MED13L: variants seen among roughly 807,000 people sequenced by gnomAD.
The protein encoded by MED13L is mediator of RNA polymerase II transcription subunit 13-like.
A neutral mutation model predicts 220.9 loss-of-function variants in MED13L; 7 were observed. The ratio of observed to expected loss-of-function variants is 0.03; its 90% CI spans 0.02 to 0.06. The LOEUF is 0.06. Among genes scored for constraint, MED13L ranks in the 10% least tolerant of loss-of-function variants. MED13L has a pLI of 1.00. For synonymous variants in MED13L, 1,011 were observed against 1,015.2 expected, an observed-to-expected ratio of 1.00 and a Z score of 0.08; for missense variants, 1,965 against 2,760.5, an observed-to-expected ratio of 0.71 and a Z score of 6.46.
intron 2 of MED13L, among the ~76,000 whole-genome samples, chr12:116,179,209 G>A (rs932437938): frequency 1.9e-5 from 2 of 105,594 alleles, no homozygotes; most frequent in Admixed American, 8.4e-5. Context: ...ATTTACGTGT[G>A]TGTGTGTGTG....
At position 116,127,313 on chromosome 12, in the gene MED13L, G is replaced by A. The variant is rs912266855; in HGVS notation, c.311-15801C>T. Among the ~76,000 whole-genome samples the A allele has an allele frequency of 3.3e-5, 5 of 151,764 alleles. No homozygotes were observed. The South Asian group carries it at 6.2e-4, about 19-fold the overall frequency. ...AATTTAAAAACATTTTTTCAATTCC[G>A]ATTCAAAAACGAAAAATACATATGA... is the stretch of plus-strand genomic sequence containing the variant. On this transcript the variant is annotated intron_variant, in intron 2 of 30. Transcript: ENST00000281928.
intron 2 of MED13L, among the ~76,000 whole-genome samples, chr12:116,192,733 T>C (rs770365780): frequency 7.9e-5 from 12 of 152,162 alleles, no homozygotes; most frequent in Non-Finnish European, 1.6e-4. Flanking sequence ...ATTCCAATAA[T>C]CCCAGCACTT....
At chr12:116,212,697 C>G (rs574408139) in intron 2 of MED13L, among the ~76,000 whole-genome samples, 2 of 152,252 alleles carry the variant, frequency 1.3e-5, no homozygotes, top group South Asian at 4.1e-4. Context: ...GAGTAAAACA[C>G]ATGTATAGAA....
At chr12:116,190,921 ATC>A (rs1181779495) in intron 2 of MED13L, among the ~76,000 whole-genome samples, 1 of 151,920 alleles carries the variant, frequency 6.6e-6, no homozygotes, top group African/African-American at 2.4e-5. Context: ...GTGAAACCCC[ATC>A]TCTACTAAAA....
chr12:116,067,847 T>A (rs1379570666), intron 4 of MED13L, among the ~76,000 whole-genome samples: 5 of 152,170 alleles, frequency 3.3e-5, no homozygotes, highest in African/African-American at 4.8e-5. Flanking sequence ...ATACGAAGCT[T>A]GCAGCAAATG....
chr12:116,186,982 C>T (rs1593143842), intron 2 of MED13L, among the ~76,000 whole-genome samples: 1 of 152,190 alleles, frequency 6.6e-6, no homozygotes, highest in South Asian at 2.1e-4. Context: ...CAACTCCAAA[C>T]AGCTGCTTCC....
rs952640043 is a variant in MED13L at position 116,065,415 on chromosome 12, C to G, written c.479+31254G>C. Among the ~76,000 whole-genome samples the G allele has an allele frequency of 8.5e-5, 13 of 152,124 alleles. 1 individual carries two copies. The highest frequency in any genetic ancestry group is 1.9e-4 in the Non-Finnish European group (13 of 68,016). ...AAAAATAAAGAAAAGTATTTTACCA[C>G]TTCACTTTCACCATCATAGTGTCAT... On this transcript the variant is annotated intron_variant, in intron 4 of 30. Coordinates refer to ENST00000281928, the MANE Select transcript of MED13L (RefSeq NM_015335.5).
At chr12:116,131,624 C>T (rs1301473485) in intron 2 of MED13L, among the ~76,000 whole-genome samples, 4 of 152,196 alleles carry the variant, frequency 2.6e-5, no homozygotes, top group Non-Finnish European at 5.9e-5. Context: ...AGAACCTTCA[C>T]ATTTATGTAT....
At chr12:116,262,204 AATT>A (rs897393088) in intron 1 of MED13L, among the ~76,000 whole-genome samples, 4 of 152,212 alleles carry the variant, frequency 2.6e-5, no homozygotes, top group Non-Finnish European at 5.9e-5. Flanking sequence ...TTATTTACAT[AATT>A]ATTTATATAA....
At chr12:116,060,171 G>T (rs1173436483) in intron 4 of MED13L, among the ~76,000 whole-genome samples, 1 of 152,086 alleles carries the variant, frequency 6.6e-6, no homozygotes, top group Admixed American at 6.5e-5. Flanking sequence ...CATTCTGTGG[G>T]CCTGGAGCAT....
chr12:116,120,934 C>G (rs187658054), intron 2 of MED13L, among the ~76,000 whole-genome samples: 1 of 151,980 alleles, frequency 6.6e-6, no homozygotes, highest in African/African-American at 2.4e-5. Flanking sequence ...AAATGAGTGA[C>G]AACAGTCAAT....
intron 4 of MED13L, among the ~76,000 whole-genome samples, chr12:116,039,558 A>T (rs905418878): frequency 1.3e-5 from 2 of 151,982 alleles, no homozygotes; most frequent in African/African-American, 4.8e-5. Context: ...CATAAATCTC[A>T]TAATTCTAAA....
intron 4 of MED13L, among the ~76,000 whole-genome samples, chr12:116,023,574 G>A (rs924905568): frequency 3.9e-5 from 6 of 151,998 alleles, no homozygotes; most frequent in African/African-American, 1.2e-4. Flanking sequence ...TGTTTCAAGT[G>A]CAAAATCATA....
At position 116,008,489 on chromosome 12, in the gene MED13L, C is replaced by G. The variant is rs375037374; in HGVS notation, c.1924G>C (p.Asp642His). The G allele has an allele frequency of 1.7e-5, 27 of 1,613,612 alleles. No individual in the cohort carries two copies. Among genetic ancestry groups the G allele is most frequent in the Admixed American group, 3.3e-5 (2 of 60,000 alleles). The change falls in exon 10 of 31, where the codon GAT (aspartate) becomes CAT (histidine). Residue 642 changes from aspartate (D) to histidine (H), a missense_variant. Coordinates refer to ENST00000281928, the MANE Select transcript of MED13L (RefSeq NM_015335.5). ...WWHSYRLPPS[D>H]DAEFRPPELQ... is the part of the protein sequence containing the mutation. ...TCTGGAGGCCTGAACTCAGCATCAT[C>G]ACTGGGTGGGAGACGATAACTATGC...
At position 116,150,548 on chromosome 12, in the gene MED13L, T is replaced by C. The variant is rs142067689; in HGVS notation, c.311-39036A>G. Among the ~76,000 whole-genome samples the C allele has an allele frequency of 1.2e-3, 189 of 152,314 alleles. 2 individuals are homozygous for C. Among genetic ancestry groups the C allele is most frequent in the East Asian group, 3.9e-3 (20 of 5,186 alleles). ...CTTCCATTCTGCTCTCGTGTTCCACTACTCCTCCACTGCACCTCTGCCACT... is the reference window on the plus strand; with the variant it reads ...CTTCCATTCTGCTCTCGTGTTCCACCACTCCTCCACTGCACCTCTGCCACT... On this transcript the variant is annotated intron_variant, in intron 2 of 30. Transcript: ENST00000281928.
At chr12:115,976,649 G>A (rs1425032660) in intron 23 of MED13L, among the ~76,000 whole-genome samples, 1 of 152,080 alleles carries the variant, frequency 6.6e-6, no homozygotes, top group East Asian at 1.9e-4. Flanking sequence ...GTGTGTCTGT[G>A]TATATAATTT....
chr12:115,984,382 T>C lies in MED13L; in HGVS notation c.4339-10A>G, dbSNP rs376463996. On this transcript the variant is annotated splice_polypyrimidine_tract_variant and intron_variant, in intron 19 of 30. Transcript: ENST00000281928. ...GCCCAAGCCTACACATCTGATATCA[T>C]AGACAAGATCATTAGTTATAACAGG... The C allele has an allele frequency of 6.6e-5, 107 of 1,613,870 alleles. No homozygotes were observed. The highest frequency in any genetic ancestry group is 6.0e-4 in the African/African-American group (45 of 75,054).
At chr12:116,210,206 A>G (rs779942912) in intron 2 of MED13L, among the ~76,000 whole-genome samples, 15 of 152,194 alleles carry the variant, frequency 9.9e-5, no homozygotes, top group Admixed American at 5.2e-4. Flanking sequence ...GTACACAGAT[A>G]TTCTCTAAAC....
chr12:115,986,982 A>G, intron 18 of MED13L, 127 bp downstream of exon 18: 1 of 989,446 alleles, frequency 1.0e-6, no homozygotes, highest in Non-Finnish European at 1.5e-6. Flanking sequence ...AGATTATAAA[A>G]CTAAATGGTC....
Sources: gnomAD v4.1 joint callset for allele counts (sites outside exome capture counted in the v4.1 genomes callset) on GRCh38, gnomAD v4.1.1 for gene constraint, MANE v1.5 for transcripts, NCBI Gene and HGNC (gene_info 2026-07-23, HGNC 2026-07-21) for gene names.